The following ZNF814 variants were observed in gnomAD, a reference collection of about 807,000 sequenced individuals.
The protein encoded by ZNF814 is zinc finger protein 814.
In ZNF814, 5 loss-of-function variants were observed where a neutral mutation model predicts 7.5. The observed-to-expected ratio is 0.67, with a 90% CI of 0.35 to 1.40. ZNF814 has a LOEUF of 1.40. Ranked by LOEUF, ZNF814 falls within the 40% of genes most tolerant of loss-of-function variation. The pLI is 0.04. For missense variants in ZNF814, 962 were observed against 1,018.0 expected (o/e 0.94, Z 0.75); for synonymous variants, 315 against 340.7 (o/e 0.92, Z 0.83).
the ZNF814 span, among the ~76,000 whole-genome samples, chr19:57,894,084 A>G: frequency 1.4e-5 from 2 of 142,024 alleles, no homozygotes; most frequent in African/African-American, 2.6e-5. Context: ...CTCTGTCTCG[A>G]AAAAAAAAAA....
At position 57,869,731 on chromosome 19, in the gene ZNF814, G is replaced by A. The variant is rs1340235582; in HGVS notation, c.*3091C>T. Reference sequence around the variant, plus strand: ...AGGCTGAGGCAGGCATATCACCTGAGGTCAGGAGTCCAAGATCAGCCTGGC... The same window carrying A: ...AGGCTGAGGCAGGCATATCACCTGAAGTCAGGAGTCCAAGATCAGCCTGGC... On this transcript the variant is annotated 3_prime_UTR_variant, in exon 3 of 3. Coordinates refer to ENST00000435989, the MANE Select transcript of ZNF814 (RefSeq NM_001144989.2). 6.6e-6 allele frequency: 1 copy of A among 151,674 alleles called. No homozygotes were observed. The highest frequency in any genetic ancestry group is 2.4e-5 in the African/African-American group (1 of 41,254). The allele number at this position is 151,674 out of a possible 1,614,324, so 9.4% of individuals were successfully genotyped here.
Position 57,872,285 on chromosome 19 carries a change from T to C in ZNF814, c.*537A>G, listed in dbSNP as rs142466421. On this transcript the variant is annotated 3_prime_UTR_variant, in exon 3 of 3. Coordinates refer to ENST00000435989, the MANE Select transcript of ZNF814 (RefSeq NM_001144989.2). ...ATCTATGGTGTTTTTCTCATGTCAA[T>C]GTTTGAGGCTCCAATAAAAAGGCTG... is the stretch of plus-strand genomic sequence containing the variant. Among the ~76,000 whole-genome samples, 10 of 152,362 alleles carry C rather than the reference T, an allele frequency of 6.6e-5. No homozygotes were observed. In the East Asian group the frequency reaches 1.2e-3, roughly 18 times the overall value.
the ZNF814 span, among the ~76,000 whole-genome samples, chr19:57,900,016 A>C: frequency 3.2e-4 from 48 of 152,330 alleles, no homozygotes; most frequent in Admixed American, 1.0e-3. Context: ...TCATTATCCT[A>C]AATCTAAGAT....
At chr19:57,901,573 C>T in the ZNF814 span, 1 of 398,506 alleles carries the variant, frequency 2.5e-6, no homozygotes, top group Admixed American at 4.4e-5. Context: ...GAAGAGAGGA[C>T]TCTGGGAAGA....
At chr19:57,900,865 T>TTTTA in the ZNF814 span, among the ~76,000 whole-genome samples, 1 of 103,098 alleles carries the variant, frequency 9.7e-6, no homozygotes, top group African/African-American at 3.9e-5. Flanking sequence ...TTTTTTTTTT[T>TTTTA]GAGACGGAGT....
At chr19:57,888,466 C>T (rs1056480910) in intron 1 of ZNF814, among the ~76,000 whole-genome samples, 4 of 152,154 alleles carry the variant, frequency 2.6e-5, no homozygotes, top group Admixed American at 2.6e-4. Context: ...GTTCATAGCC[C>T]CCAGCCTGCT....
chr19:57,902,757 T>C, the ZNF814 span, among the ~76,000 whole-genome samples: 1 of 151,850 alleles, frequency 6.6e-6, no homozygotes, highest in Non-Finnish European at 1.5e-5. Flanking sequence ...GCCTCCCTGG[T>C]TCATGCCTTT....
the ZNF814 span, among the ~76,000 whole-genome samples, chr19:57,900,874 G>A: frequency 3.7e-5 from 1 of 27,224 alleles, no homozygotes; most frequent in Non-Finnish European, 9.7e-5. Context: ...TTGAGACGGA[G>A]TCTTGCTCTG....
At chr19:57,886,608 G>T (rs2071695831) in intron 1 of ZNF814, among the ~76,000 whole-genome samples, 1 of 152,072 alleles carries the variant, frequency 6.6e-6, no homozygotes, top group Non-Finnish European at 1.5e-5. Flanking sequence ...GCCAGGCACG[G>T]TGGTTCACGC....
In ZNF814 at chr19:57,873,368, G is replaced by A; in HGVS notation, c.2022C>T (p.Asn674=). 1 of 1,602,274 alleles carries A rather than the reference G, an allele frequency of 6.2e-7. No homozygotes were observed. The highest frequency in any genetic ancestry group is 8.5e-7 in the Non-Finnish European group (1 of 1,174,094). ...TATGGCCATGCTGGTGTAGAATGAG[G>A]TTACCCTTGTGACTAAAACATTTCC... ...ECGKCFSHKG[N]LILHQHGHTG... Residue 674 remains asparagine (N), a synonymous_variant, in exon 3 of 3, where the codon AAC becomes AAT. Coordinates refer to ENST00000435989, the MANE Select transcript of ZNF814 (RefSeq NM_001144989.2).
intron 2 of ZNF814, among the ~76,000 whole-genome samples, chr19:57,875,703 A>G (rs1312255233): frequency 2.6e-5 from 4 of 152,180 alleles, no homozygotes; most frequent in Admixed American, 2.6e-4. Flanking sequence ...GGGCCCAGAG[A>G]TATGAAGATT....
intron 1 of ZNF814, among the ~76,000 whole-genome samples, chr19:57,885,359 G>A (rs1036282953): frequency 1.4e-5 from 2 of 146,962 alleles, no homozygotes; most frequent in Non-Finnish European, 3.0e-5. Flanking sequence ...AGGGCGCGGT[G>A]GTGGCTCACA....
chr19:57,875,419 A>G (rs553613243), intron 2 of ZNF814, among the ~76,000 whole-genome samples, 193 bp from the exon 3 acceptor site: 52 of 152,342 alleles, frequency 3.4e-4, no homozygotes, highest in South Asian at 4.1e-4. Context: ...AGGAGGCCTC[A>G]TAAGTTAAAG....
Position 57,869,640 on chromosome 19 carries a change from T to C in ZNF814, c.*3182A>G, listed in dbSNP as rs1415566168. 6.6e-6 allele frequency: 1 copy of C among 152,136 alleles called. No homozygotes were observed. Among genetic ancestry groups the C allele is most frequent in the East Asian group, 1.9e-4 (1 of 5,184 alleles). The allele number at this position is 152,136 out of a possible 1,614,324, so 9.4% of individuals were successfully genotyped here. On this transcript the variant is annotated 3_prime_UTR_variant, in exon 3 of 3. Coordinates refer to ENST00000435989, the MANE Select transcript of ZNF814 (RefSeq NM_001144989.2). ...CTTACTGAATGTCATTTATAACTCA[T>C]CACAGCTTTAAAATATACTTCAGAC...
At chr19:57,891,736 C>T (rs2071735985), upstream of ZNF814, among the ~76,000 whole-genome samples, 1 of 151,098 alleles carries the variant, frequency 6.6e-6, no homozygotes. Context: ...ATGGAGTACC[C>T]ACTCTTTTAT....
At chr19:57,884,890 G>A (rs1226656981) in intron 1 of ZNF814, among the ~76,000 whole-genome samples, 2 of 152,156 alleles carry the variant, frequency 1.3e-5, no homozygotes, top group African/African-American at 4.8e-5. Flanking sequence ...ATATAATCCA[G>A]CAATCCCACT....
rs1437820789 is a variant in ZNF814 at position 57,873,264 on chromosome 19, A to G, written c.2126T>C (p.Ile709Thr). The change falls in exon 3 of 3, where the codon ATT becomes ACT. Residue 709 changes from isoleucine to threonine, a missense_variant. Physicochemically the swap from Ile to Thr is moderately conservative, Grantham distance 89 (BLOSUM62 -1). Coordinates refer to ENST00000435989, the MANE Select transcript of ZNF814 (RefSeq NM_001144989.2). Reference sequence around the variant, plus strand: ...AGCATATGGCTTTTCTCCATTGTGAATTCTCTGGTGTACAAGGAGGTGAGA... The same window carrying G: ...AGCATATGGCTTTTCTCCATTGTGAGTTCTCTGGTGTACAAGGAGGTGAGA... The part of the protein sequence containing the change: ...KKSHLLVHQR[I>T]HNGEKPYACE... 2.5e-6 allele frequency: 4 copies of G among 1,601,072 alleles called. No homozygotes were observed. The highest frequency in any genetic ancestry group is 3.4e-6 in the Non-Finnish European group (4 of 1,173,494).
intron 1 of ZNF814, among the ~76,000 whole-genome samples, chr19:57,887,522 A>C (rs766598997): frequency 1.3e-5 from 2 of 152,114 alleles, no homozygotes; most frequent in Non-Finnish European, 2.9e-5. Flanking sequence ...GTAATGCCCA[A>C]CCTTGTTTTC....
Position 57,871,103 on chromosome 19 carries a change from G to C in ZNF814, c.*1719C>G, listed in dbSNP as rs2071553679. 1 of 152,188 alleles carries C rather than the reference G, an allele frequency of 6.6e-6. No homozygotes were observed. Among genetic ancestry groups the C allele is most frequent in the Non-Finnish European group, 1.5e-5 (1 of 68,040 alleles). The allele number at this position is 152,188 out of a possible 1,614,324, so 9.4% of individuals were successfully genotyped here. A position where few individuals can be genotyped will look rare whatever the true frequency, so the allele number is the denominator to read the frequency against. On this transcript the variant is annotated 3_prime_UTR_variant, in exon 3 of 3. Transcript: ENST00000435989. Reference sequence around the variant, plus strand: ...ATTTCACCTGATAGCATTACAATCTGTGATGTTATCCTACAGAATTCTGGA... The same window carrying C: ...ATTTCACCTGATAGCATTACAATCTCTGATGTTATCCTACAGAATTCTGGA...
Sources: allele counts gnomAD v4.1 joint callset (sites outside exome capture counted in the v4.1 genomes callset), GRCh38; gene constraint gnomAD v4.1.1; transcripts MANE v1.5; gene names NCBI Gene and HGNC (gene_info 2026-07-23, HGNC 2026-07-21).